Variants in PDXK observed in about 807,000 individuals in gnomAD.
PDXK encodes the protein pyridoxal kinase.
PDXK carries 15 observed loss-of-function variants against 43.2 expected under a neutral mutation model. The ratio of observed to expected loss-of-function variants is 0.35; its 90% CI spans 0.23 to 0.53. PDXK has a LOEUF of 0.53. PDXK is among the 20% of genes least tolerant of loss of function. The probability of loss-of-function intolerance (pLI) is 0.92; values close to 1 mark genes in which losing one functional copy is unlikely to be tolerated. For missense variants in PDXK, 343 were observed against 417.0 expected, an observed-to-expected ratio of 0.82 and a Z score of 1.54; for synonymous variants, 172 against 165.4, an observed-to-expected ratio of 1.04 and a Z score of -0.31.
chr21:43,755,145 C>G (rs1048294389), intron 9 of PDXK, among the ~76,000 whole-genome samples: 6 of 152,132 alleles, frequency 3.9e-5, no homozygotes, highest in Non-Finnish European at 8.8e-5. Flanking sequence ...AGTCGGGGAG[C>G]GAGTTCCCCG....
In PDXK at chr21:43,756,573, G is replaced by C. The variant is rs2083855170; in HGVS notation, c.*510G>C. On this transcript the variant is annotated 3_prime_UTR_variant, in exon 11 of 11. Coordinates refer to ENST00000291565, the MANE Select transcript of PDXK (RefSeq NM_003681.5). ...CCATAGCCTCTTTGTTCCCGCATTC[G>C]AACTTTTGGTTCTTACTTTGCTGCT... The C allele has an allele frequency of 6.5e-6, 1 of 154,056 alleles. No homozygotes were observed. The highest frequency in any genetic ancestry group is 2.0e-4 in the South Asian group (1 of 4,976). 9.5% of individuals were successfully genotyped at this position (154,056 alleles called of 1,614,324 possible). A position where few individuals can be genotyped will look rare whatever the true frequency, so the allele number is the denominator to read the frequency against.
rs758928510 is a variant in PDXK at position 43,725,003 on chromosome 21, G to GA, written c.87+5623dup. On this transcript the variant is annotated intron_variant, in intron 1 of 10. Coordinates refer to ENST00000291565, the MANE Select transcript of PDXK (RefSeq NM_003681.5). The stretch of plus-strand genomic sequence containing the variant: ...CTTCTTCAGAGATGTGGCATCACTG[G>GA]AGGGTTCTCTTGGGGAAATGGTTAA... Among the ~76,000 whole-genome samples the GA allele has an allele frequency of 2.0e-4, 30 of 152,242 alleles. 1 individual carries two copies. The highest frequency in any genetic ancestry group is 2.9e-4 in the Non-Finnish European group (20 of 68,004).
rs562902485 is a variant in PDXK, at chr21:43,748,110, C to G, written c.379-885C>G. Among the ~76,000 whole-genome samples the G allele has an allele frequency of 2.0e-5, 3 of 152,354 alleles. No individual in the cohort carries two copies. The South Asian group carries it at 6.2e-4, about 32-fold the overall frequency. On this transcript the variant is annotated intron_variant, in intron 5 of 10. Coordinates refer to ENST00000291565, the MANE Select transcript of PDXK (RefSeq NM_003681.5). ...GGGATTGGAAACTCAGGCCACTCAGCCAGCAGGGGCTGCTGAAATGTTCCA... is the reference window on the plus strand; with the variant it reads ...GGGATTGGAAACTCAGGCCACTCAGGCAGCAGGGGCTGCTGAAATGTTCCA...
intron 1 of PDXK, among the ~76,000 whole-genome samples, chr21:43,730,446 T>C (rs2083303814): frequency 6.6e-6 from 1 of 152,080 alleles, no homozygotes; most frequent in Admixed American, 6.5e-5. Flanking sequence ...ATTTAGAGTA[T>C]GTACTGCCAA....
chr21:43,746,518 C>T (rs1293694316), intron 5 of PDXK, among the ~76,000 whole-genome samples: 2 of 152,170 alleles, frequency 1.3e-5, no homozygotes, highest in African/African-American at 4.8e-5. Context: ...CTCCTGGGCT[C>T]AGGCAATTCT....
Position 43,759,333 on chromosome 21 carries a change from C to T in PDXK, c.*3270C>T, listed in dbSNP as rs1467577686. The stretch of plus-strand genomic sequence containing the variant: ...TCCCCACTCTGCCCGTCCACCTTCC[C>T]TGGCTCCAGCCTCATTCTCTCTTTA... On this transcript the variant is annotated 3_prime_UTR_variant, in exon 11 of 11. Transcript: ENST00000291565. The T allele has an allele frequency of 6.5e-6, 1 of 153,638 alleles. No individual in the cohort carries two copies. Among genetic ancestry groups the T allele is most frequent in the Admixed American group, 6.5e-5 (1 of 15,282 alleles). 9.5% of individuals were successfully genotyped at this position (153,638 alleles called of 1,614,324 possible).
intron 1 of PDXK, among the ~76,000 whole-genome samples, chr21:43,733,253 A>ACC (rs1226314950): frequency 8.4e-4 from 47 of 56,174 alleles, no homozygotes; most frequent in East Asian, 2.2e-3. Flanking sequence ...CCCCATCCCC[A>ACC]CCCCCCCCCC....
intron 2 of PDXK, among the ~76,000 whole-genome samples, chr21:43,736,212 T>G (rs1160906757): frequency 6.6e-6 from 1 of 152,246 alleles, no homozygotes; most frequent in Admixed American, 6.5e-5. Flanking sequence ...AGCATTTTAC[T>G]GGTCCTGATT....
chr21:43,745,433 AAAAG>A (rs1460677309), intron 4 of PDXK, among the ~76,000 whole-genome samples: 1 of 151,752 alleles, frequency 6.6e-6, no homozygotes, highest in African/African-American at 2.4e-5. Context: ...AAAAAAAAAA[AAAAG>A]AAAGCAGACT....
At chr21:43,728,863 C>T in intron 1 of PDXK, 1 of 985,590 alleles carries the variant, frequency 1.0e-6, no homozygotes, top group Non-Finnish European at 1.2e-6. Flanking sequence ...CTGCGGCCCC[C>T]GCAGGAAGTT....
rs1478994261 is a variant in PDXK, at chr21:43,758,734, C to T, written c.*2671C>T. On this transcript the variant is annotated 3_prime_UTR_variant, in exon 11 of 11. Transcript: ENST00000291565. ...ATGAGAAGAATTTATTTTAAGGTGA[C>T]AGCTATACTGGTCCAACATCGCCTG... The T allele has an allele frequency of 1.3e-5, 2 of 152,416 alleles. No homozygotes were observed. The highest frequency in any genetic ancestry group is 4.8e-5 in the African/African-American group (2 of 41,460). 9.4% of individuals were successfully genotyped at this position (152,416 alleles called of 1,614,324 possible).
At chr21:43,750,356 G>A in intron 6 of PDXK, 144 bp from the exon 7 acceptor site, 1 of 689,168 alleles carries the variant, frequency 1.5e-6, no homozygotes, top group Non-Finnish European at 2.5e-6. Flanking sequence ...AGGGGCCCCG[G>A]CCCAGGGTGG....
intron 1 of PDXK, among the ~76,000 whole-genome samples, chr21:43,733,253 A>ACCCCCCC (rs1226314950): frequency 1.6e-4 from 9 of 56,192 alleles, no homozygotes; most frequent in Admixed American, 4.4e-4. Flanking sequence ...CCCCATCCCC[A>ACCCCCCC]CCCCCCCCCC....
rs774406922 is a variant in PDXK at position 43,756,815 on chromosome 21, C to T, written c.*752C>T. 4 of 152,278 alleles carry T rather than the reference C, an allele frequency of 2.6e-5. No homozygotes were observed. Among genetic ancestry groups the T allele is most frequent in the Non-Finnish European group, 5.9e-5 (4 of 68,086 alleles). 9.4% of individuals were successfully genotyped at this position (152,278 alleles called of 1,614,324 possible). On this transcript the variant is annotated 3_prime_UTR_variant, in exon 11 of 11. Transcript: ENST00000291565. ...CCGAGTGACTTGAGGAAGATGCTAA[C>T]GCAGTAAGGTCTGTGCTGGGCCAAG... is the stretch of plus-strand genomic sequence containing the variant.
rs1480812232 is a variant in PDXK, at chr21:43,741,686, C to T, written c.162C>T (p.Gly54=). 1 of 1,612,668 alleles carries T rather than the reference C, an allele frequency of 6.2e-7. No homozygotes were observed. The highest frequency in any genetic ancestry group is 1.3e-5 in the African/African-American group (1 of 74,858). Residue 54 remains glycine, a synonymous_variant, in exon 3 of 11, where the codon GGC becomes GGT. Coordinates refer to ENST00000291565, the MANE Select transcript of PDXK (RefSeq NM_003681.5). ...CTCTAGGCTATGCCCACTGGAAGGGCCAAGTGCTGAATTCAGATGAGCTCC... is the reference window on the plus strand; with the variant it reads ...CTCTAGGCTATGCCCACTGGAAGGGTCAAGTGCTGAATTCAGATGAGCTCC... ...SNHTGYAHWK[G]QVLNSDELQE...
At chr21:43,743,919 G>A (rs2083591718) in intron 4 of PDXK, 112 bp downstream of exon 4, 3 of 707,102 alleles carry the variant, frequency 4.2e-6, no homozygotes, top group South Asian at 1.7e-5. Flanking sequence ...ACGCCTCCGT[G>A]CCCCGCCTCT....
intron 2 of PDXK, chr21:43,738,114 A>G: frequency 2.2e-6 from 2 of 912,064 alleles, no homozygotes; most frequent in South Asian, 1.0e-4. Flanking sequence ...CCTTAACCCC[A>G]GCACCTCAGT....
Position 43,730,454 on chromosome 21 carries a change from C to T in PDXK, c.88-3615C>T, listed in dbSNP as rs547490573. ...ATATCTGATTTAGAGTATGTACTGC[C>T]AAGCTCCGTGGTGTGAATACTTCCA... On this transcript the variant is annotated intron_variant, in intron 1 of 10. Transcript: ENST00000291565. Among the ~76,000 whole-genome samples, 4 of 152,250 alleles carry T rather than the reference C, an allele frequency of 2.6e-5. No homozygotes were observed. In the South Asian group the frequency reaches 6.2e-4, roughly 24 times the overall value.
chr21:43,756,122 G>A lies in PDXK; in HGVS notation c.*59G>A. The A allele has an allele frequency of 3.0e-6, 3 of 997,494 alleles. No individual in the cohort carries two copies. The highest frequency in any genetic ancestry group is 1.6e-5 in the African/African-American group (1 of 62,812). 61.8% of individuals were successfully genotyped at this position (997,494 alleles called of 1,614,324 possible). A position where few individuals can be genotyped will look rare whatever the true frequency, so the allele number is the denominator to read the frequency against. Reference sequence around the variant, plus strand: ...TTGGTGTCTCCGTGTTTGTCCCTGTGAAAACATGTAACGTCTGCCTTAGAG... The same window carrying A: ...TTGGTGTCTCCGTGTTTGTCCCTGTAAAAACATGTAACGTCTGCCTTAGAG... On this transcript the variant is annotated 3_prime_UTR_variant, in exon 11 of 11. Coordinates refer to ENST00000291565, the MANE Select transcript of PDXK (RefSeq NM_003681.5).
Sources: gnomAD v4.1 joint callset for allele counts (sites outside exome capture counted in the v4.1 genomes callset) on GRCh38, gnomAD v4.1.1 for gene constraint, MANE v1.5 for transcripts, NCBI Gene and HGNC (gene_info 2026-07-23, HGNC 2026-07-21) for gene names.